The following NRG1 variants were observed in gnomAD, a reference collection of about 807,000 sequenced individuals.
NRG1 encodes pro-neuregulin-1, membrane-bound isoform.
Under a neutral mutation model 63.8 loss-of-function variants are expected in NRG1, and 18 were observed. The observed-to-expected ratio is 0.28, with a 90% CI of 0.19 to 0.42. The LOEUF (loss-of-function observed/expected upper bound fraction) is 0.42, where lower values mean the gene tolerates loss of function less well. NRG1 is among the 10% of genes least tolerant of loss of function. NRG1 has a pLI of 1.00. For synonymous variants in NRG1, 302 were observed against 301.3 expected (o/e 1.00, Z -0.02); for missense variants, 762 against 814.7 (o/e 0.94, Z 0.79).
rs553654450 is a variant in NRG1, at chr8:32,706,126, A to G, written c.503-21823A>G. Among the ~76,000 whole-genome samples, 11 of 152,340 alleles carry G rather than the reference A, an allele frequency of 7.2e-5. No homozygotes were observed. The East Asian group carries it at 1.9e-3, about 27-fold the overall frequency. ...TATCCAAACTCAGGTTTAGATGCCT[A>G]TAGCAGTTTCACAAAAACTAAATCT... On this transcript the variant is annotated intron_variant, in intron 5 of 11. Transcript: ENST00000356819.
rs1025545306 is a variant in NRG1 at position 32,037,452 on chromosome 8, C to T, written c.37+398021C>T. Among the ~76,000 whole-genome samples, 10 of 152,300 alleles carry T rather than the reference C, an allele frequency of 6.6e-5. 2 individuals are homozygous for T. Among genetic ancestry groups the T allele is most frequent in the Admixed American group, 6.5e-5 (1 of 15,302 alleles). On this transcript the variant is annotated intron_variant, in intron 1 of 10. Transcript: ENST00000519301. ...AATAAACAGCCTGGCTTCCTCTTGG[C>T]GGAGAGGGTGTCCTGCACTCAGGAG... is the stretch of plus-strand genomic sequence containing the variant.
chr8:32,119,978 CT>C (rs1833226121), intron 1 of NRG1, among the ~76,000 whole-genome samples: 2 of 152,134 alleles, frequency 1.3e-5, no homozygotes, highest in South Asian at 4.1e-4. Flanking sequence ...AAGTCCTATT[CT>C]TGTTTTTTTC....
chr8:32,211,279 T>C (rs80245912), intron 1 of NRG1, among the ~76,000 whole-genome samples: 6,405 of 152,278 alleles, frequency 0.042, 203 homozygotes, highest in Middle Eastern at 0.092. Flanking sequence ...GCAAGTCATG[T>C]CATAGCATGG....
At chr8:31,970,023 A>C (rs1807021522) in intron 1 of NRG1, among the ~76,000 whole-genome samples, 1 of 152,162 alleles carries the variant, frequency 6.6e-6, no homozygotes, top group African/African-American at 2.4e-5. Context: ...ATAATTGATA[A>C]ATTATTTTAT....
At chr8:32,560,916 C>A (rs1445286439) in intron 1 of NRG1, among the ~76,000 whole-genome samples, 1 of 152,176 alleles carries the variant, frequency 6.6e-6, no homozygotes, top group East Asian at 1.9e-4. Context: ...GAATAAACGA[C>A]CGCTGTTCCT....
chr8:32,345,932 T>G (rs1804829771), intron 1 of NRG1, among the ~76,000 whole-genome samples: 1 of 151,752 alleles, frequency 6.6e-6, no homozygotes, highest in African/African-American at 2.4e-5. Flanking sequence ...CACTTCAGCC[T>G]GGGAGGCAGA....
chr8:31,821,778 A>T (rs1157130730), intron 1 of NRG1, among the ~76,000 whole-genome samples: 1 of 152,176 alleles, frequency 6.6e-6, no homozygotes, highest in African/African-American at 2.4e-5. Flanking sequence ...GTTAGAGAGA[A>T]ACCAGGAAGC....
chr8:32,717,345 A>G (rs1167193939), intron 5 of NRG1, among the ~76,000 whole-genome samples: 2 of 152,164 alleles, frequency 1.3e-5, no homozygotes, highest in Non-Finnish European at 2.9e-5. Context: ...GAGTGAAATG[A>G]CGTAGAGTAC....
Position 32,627,725 on chromosome 8 carries a change from T to A in NRG1, c.502+10840T>A, listed in dbSNP as rs550419195. ...GAGAAGTGGTAAATTTTAAAAAGGA[T>A]GCCTAGTTATAATCAAGGAATCCAG... On this transcript the variant is annotated intron_variant, in intron 5 of 11. Coordinates refer to ENST00000356819, the Ensembl canonical transcript of NRG1. 2.6e-4 allele frequency among the ~76,000 whole-genome samples: 39 copies of A among 152,266 alleles called. 1 individual carries two copies. The South Asian group carries it at 7.7e-3, about 30-fold the overall frequency.
intron 1 of NRG1, among the ~76,000 whole-genome samples, chr8:32,406,206 G>A (rs1272730608): frequency 1.3e-5 from 2 of 152,074 alleles, no homozygotes; most frequent in Non-Finnish European, 2.9e-5. Context: ...ACATAATAGT[G>A]TCTCTCATAA....
At chr8:31,966,237 T>C (rs1270741766) in intron 1 of NRG1, among the ~76,000 whole-genome samples, 1 of 40,364 alleles carries the variant, frequency 2.5e-5, no homozygotes, top group Non-Finnish European at 4.8e-5. Context: ...AATCTTGTGT[T>C]TCTGCAACAC....
chr8:32,364,835 A>T (rs539017984), intron 1 of NRG1, among the ~76,000 whole-genome samples: 1 of 152,066 alleles, frequency 6.6e-6, no homozygotes, highest in African/African-American at 2.4e-5. Context: ...AAATTTTAAT[A>T]TTTAATTATC....
intron 1 of NRG1, among the ~76,000 whole-genome samples, chr8:31,709,054 A>C (rs2131239941): frequency 6.6e-6 from 1 of 152,150 alleles, no homozygotes; most frequent in Admixed American, 6.5e-5. Flanking sequence ...GCAAATCTCC[A>C]AGCAATTTTT....
rs1585336425 is a variant in NRG1 at position 31,640,201 on chromosome 8, C to T, written c.37+770C>T. 1.7e-6 allele frequency: 2 copies of T among 1,172,118 alleles called. No individual in the cohort carries two copies. The highest frequency in any genetic ancestry group is 2.1e-6 in the Non-Finnish European group (2 of 948,200). The allele number at this position is 1,172,118 out of a possible 1,614,324, so 72.6% of individuals were successfully genotyped here. ...GTCCCCGCCCAGCGTGGGATCGGTGCAGGAGCTAGCTCAGCGCGCCGCGGT... is the reference window on the plus strand; with the variant it reads ...GTCCCCGCCCAGCGTGGGATCGGTGTAGGAGCTAGCTCAGCGCGCCGCGGT... On this transcript the variant is annotated intron_variant, in intron 1 of 10. Coordinates refer to the NRG1 transcript ENST00000519301. The surrounding 1 kb of genome is among the most constrained non-coding windows in gnomAD (Gnocchi z 6.3).
At chr8:32,393,379 A>T (rs1188668386) in intron 1 of NRG1, among the ~76,000 whole-genome samples, 2 of 152,200 alleles carry the variant, frequency 1.3e-5, no homozygotes, top group African/African-American at 4.8e-5. Flanking sequence ...CAGTCCCATT[A>T]CTGGGTATAT....
chr8:31,974,353 A>T (rs1207311881), intron 1 of NRG1, among the ~76,000 whole-genome samples: 1 of 151,922 alleles, frequency 6.6e-6, no homozygotes, highest in Admixed American at 6.6e-5. Context: ...AATTTTCTGT[A>T]GAGATAGTAT....
At chr8:32,459,074 A>G (rs1479070504) in intron 1 of NRG1, among the ~76,000 whole-genome samples, 1 of 152,100 alleles carries the variant, frequency 6.6e-6, no homozygotes, top group Non-Finnish European at 1.5e-5. Flanking sequence ...GTCTCCCTGA[A>G]CTCCAGACTC....
At chr8:32,280,679 GGTTTTTTTTTT>G (rs1417522297) in intron 1 of NRG1, among the ~76,000 whole-genome samples, 4 of 95,152 alleles carry the variant, frequency 4.2e-5, no homozygotes, top group South Asian at 3.8e-4. Flanking sequence ...AACTGAATTA[GGTTTTTTTTTT>G]GTTTTTTTTT....
chr8:32,660,566 C>G (rs1216145920), intron 5 of NRG1, among the ~76,000 whole-genome samples: 1 of 152,148 alleles, frequency 6.6e-6, no homozygotes. Flanking sequence ...GTTTAAGAGA[C>G]TTCAGGCAGC....
Sources: allele counts gnomAD v4.1 joint callset (sites outside exome capture counted in the v4.1 genomes callset), GRCh38; gene constraint gnomAD v4.1.1; non-coding constraint Gnocchi (gnomAD v3.1); transcripts MANE v1.5; gene names NCBI Gene and HGNC (gene_info 2026-07-23, HGNC 2026-07-21).